MAPKAP1: variants seen among roughly 807,000 people sequenced by gnomAD.
MAPKAP1 encodes MAPK associated protein 1.
Under a neutral mutation model 65.7 loss-of-function variants are expected in MAPKAP1, and 20 were observed. The observed-to-expected ratio is 0.30, with a 90% CI of 0.21 to 0.44. The LOEUF (loss-of-function observed/expected upper bound fraction) is 0.44. MAPKAP1 is among the 20% of genes least tolerant of loss of function. The pLI is 1.00. For synonymous variants in MAPKAP1, 222 were observed against 244.3 expected (o/e 0.91, Z 0.85); for missense variants, 423 against 648.0 (o/e 0.65, Z 3.77).
At chr9:125,546,822 T>G (rs1275650052) in intron 6 of MAPKAP1, among the ~76,000 whole-genome samples, 2 of 152,138 alleles carry the variant, frequency 1.3e-5, no homozygotes, top group South Asian at 4.2e-4. Flanking sequence ...AGCCCTCGGA[T>G]GAACAGGCAG....
chr9:125,605,480 A>C (rs1373225159), intron 4 of MAPKAP1, among the ~76,000 whole-genome samples: 3 of 152,216 alleles, frequency 2.0e-5, no homozygotes, highest in Non-Finnish European at 2.9e-5. Context: ...GTGATTAATT[A>C]AATAAATAGC....
intron 11 of MAPKAP1, among the ~76,000 whole-genome samples, chr9:125,443,141 A>C (rs1369735107): frequency 6.6e-6 from 1 of 152,228 alleles, no homozygotes; most frequent in Non-Finnish European, 1.5e-5. Flanking sequence ...CAGGTCCTGC[A>C]CTGTGCAGTC....
At chr9:125,550,602 G>A (rs563848727) in intron 6 of MAPKAP1, among the ~76,000 whole-genome samples, 5 of 152,336 alleles carry the variant, frequency 3.3e-5, no homozygotes, top group Admixed American at 2.0e-4. Context: ...TCTTAGAAGT[G>A]TGTAATTAAT....
intron 4 of MAPKAP1, among the ~76,000 whole-genome samples, chr9:125,635,222 G>A (rs116899568): frequency 1.6e-4 from 25 of 152,164 alleles, no homozygotes; most frequent in Admixed American, 5.2e-4. Flanking sequence ...GCTCTTAAAC[G>A]TCTACACCAA....
intron 6 of MAPKAP1, among the ~76,000 whole-genome samples, chr9:125,554,758 T>TG (rs1251467287): frequency 8.0e-6 from 1 of 125,420 alleles, no homozygotes; most frequent in East Asian, 2.4e-4. Flanking sequence ...ATCACATCAC[T>TG]GCACTCCAGA....
Position 125,508,074 on chromosome 9 carries a change from G to C in MAPKAP1, c.959-1657C>G, listed in dbSNP as rs1829196490. On this transcript the variant is annotated intron_variant, in intron 7 of 11. Coordinates refer to ENST00000265960, the MANE Select transcript of MAPKAP1 (RefSeq NM_001006617.3). ...CCAGCTACTCGGGAGGCTGAGGCGGGGGGATTGCTTGAGCCCAGGAGCTGG... is the reference window on the plus strand; with the variant it reads ...CCAGCTACTCGGGAGGCTGAGGCGGCGGGATTGCTTGAGCCCAGGAGCTGG... 2.0e-5 allele frequency among the ~76,000 whole-genome samples: 3 copies of C among 152,078 alleles called. No homozygotes were observed. The South Asian group carries it at 6.2e-4, about 32-fold the overall frequency.
rs1175269947 is a variant in MAPKAP1, at chr9:125,585,578, G to A, written c.648C>T (p.Ser216=). ...ACTTGAGCTTCGGCTCCCGTCCTTCGCTTGTATACTGCCAGCAGATGAGCC... is the reference window on the plus strand; with the variant it reads ...ACTTGAGCTTCGGCTCCCGTCCTTCACTTGTATACTGCCAGCAGATGAGCC... The part of the protein sequence containing the change: ...LIGLICWQYT[S]EGREPKLNDN... The change falls in exon 5 of 12, where the codon AGC becomes AGT. Residue 216 remains serine, a synonymous_variant. Transcript: ENST00000265960. 5.0e-6 allele frequency: 8 copies of A among 1,613,998 alleles called. No individual in the cohort carries two copies. The highest frequency in any genetic ancestry group is 1.1e-5 in the South Asian group (1 of 91,092).
rs1264598234 is a variant in MAPKAP1 at position 125,698,287 on chromosome 9, AAATATATATATATATATATATAT to A, written c.-70+8661_-70+8683del. Among the ~76,000 whole-genome samples, 13 of 27,092 alleles carry A rather than the reference AAATATATATATATATATATATAT, an allele frequency of 4.8e-4. 1 individual carries two copies. The highest frequency in any genetic ancestry group is 1.8e-3 in the African/African-American group (12 of 6,514). 17.8% of individuals were successfully genotyped at this position (27,092 alleles called of 152,430 possible). A position where few individuals can be genotyped will look rare whatever the true frequency, so the allele number is the denominator to read the frequency against. ...AATATATATAATACATAATATATAT[AAATATATATATATATATATATAT>A]ATATATATATATATATATATATATA... On this transcript the variant is annotated intron_variant, in intron 1 of 11. Transcript: ENST00000265960.
At chr9:125,474,923 G>T (rs1854048899) in intron 9 of MAPKAP1, among the ~76,000 whole-genome samples, 1 of 152,106 alleles carries the variant, frequency 6.6e-6, no homozygotes, top group South Asian at 2.1e-4. Context: ...GCCTGGAAAA[G>T]CCCCCAAGGG....
intron 7 of MAPKAP1, among the ~76,000 whole-genome samples, chr9:125,534,583 T>C (rs1830021055): frequency 6.6e-6 from 1 of 152,226 alleles, no homozygotes; most frequent in Admixed American, 6.5e-5. Context: ...TGAGAGCCTC[T>C]GCATTGGTGT....
chr9:125,631,690 C>T (rs1488605177), intron 4 of MAPKAP1, among the ~76,000 whole-genome samples: 1 of 152,278 alleles, frequency 6.6e-6, no homozygotes. Context: ...GATCAAGCCT[C>T]GTCTCTCACC....
At chr9:125,485,522 C>T (rs553901359) in intron 8 of MAPKAP1, among the ~76,000 whole-genome samples, 13 of 152,326 alleles carry the variant, frequency 8.5e-5, no homozygotes, top group African/African-American at 2.9e-4. Flanking sequence ...TACCAATATT[C>T]TTCTCACTTC....
intron 4 of MAPKAP1, among the ~76,000 whole-genome samples, chr9:125,617,095 C>T (rs1832767455): frequency 6.6e-6 from 1 of 152,152 alleles, no homozygotes; most frequent in Non-Finnish European, 1.5e-5. Flanking sequence ...AATCATTCCA[C>T]AATGTATGCA....
rs1437140221 is a variant in MAPKAP1 at position 125,571,380 on chromosome 9, C to G, written c.672-11571G>C. ...GTGGTTTATAATTAACTAGAGAACT[C>G]TAGCAGGTGTTCTTAAACGCAGGTT... On this transcript the variant is annotated intron_variant, in intron 5 of 11. Transcript: ENST00000265960. Among the ~76,000 whole-genome samples the G allele has an allele frequency of 8.5e-5, 13 of 152,134 alleles. No homozygotes were observed. The East Asian group carries it at 2.5e-3, about 29-fold the overall frequency.
In MAPKAP1 at chr9:125,469,723, T is replaced by G. The variant is rs368171694; in HGVS notation, c.1208-1614A>C. Among the ~76,000 whole-genome samples the G allele has an allele frequency of 8.2e-4, 124 of 150,986 alleles. 2 individuals carry two copies. In the South Asian group the frequency reaches 0.024, roughly 29 times the overall value. Reference sequence around the variant, plus strand: ...CATATTTCAATTAGGCATAATGTCGTAAGTCCAGCTGACTCTGGACGTTCA... The same window carrying G: ...CATATTTCAATTAGGCATAATGTCGGAAGTCCAGCTGACTCTGGACGTTCA... On this transcript the variant is annotated intron_variant, in intron 9 of 11. Transcript: ENST00000265960.
At position 125,473,320 on chromosome 9, in the gene MAPKAP1, T is replaced by C. The variant is rs80042129; in HGVS notation, c.1208-5211A>G. 8.0e-4 allele frequency among the ~76,000 whole-genome samples: 122 copies of C among 152,240 alleles called. 3 individuals are homozygous for C. In the East Asian group the frequency reaches 0.016, roughly 20 times the overall value. Reference sequence around the variant, plus strand: ...TTCTCTTGGAAACAAGGGAGGCAGTTTGTCTCCCTTACCAGCTCCCTCCCC... The same window carrying C: ...TTCTCTTGGAAACAAGGGAGGCAGTCTGTCTCCCTTACCAGCTCCCTCCCC... On this transcript the variant is annotated intron_variant, in intron 9 of 11. Transcript: ENST00000265960.
At chr9:125,522,155 T>C (rs1460224745) in intron 7 of MAPKAP1, among the ~76,000 whole-genome samples, 10 of 152,368 alleles carry the variant, frequency 6.6e-5, no homozygotes, top group Middle Eastern at 6.8e-3. Context: ...AGGGCCTCTT[T>C]AGGGACTTCT....
intron 9 of MAPKAP1, among the ~76,000 whole-genome samples, chr9:125,475,782 C>T (rs979475596): frequency 6.6e-6 from 1 of 152,196 alleles, no homozygotes; most frequent in Non-Finnish European, 1.5e-5. Context: ...ATGGATACCT[C>T]AGGTGAGCCT....
intron 1 of MAPKAP1, among the ~76,000 whole-genome samples, chr9:125,687,626 A>AT (rs1359929564): frequency 1.3e-5 from 2 of 151,794 alleles, no homozygotes; most frequent in African/African-American, 4.8e-5. Context: ...AAAAAAAAAA[A>AT]ATGTAAAAAT....
Sources: allele counts gnomAD v4.1 joint callset (sites outside exome capture counted in the v4.1 genomes callset), GRCh38; gene constraint gnomAD v4.1.1; transcripts MANE v1.5; gene names NCBI Gene and HGNC (gene_info 2026-07-23, HGNC 2026-07-21).